The following STRAP variants were observed in gnomAD, a reference collection of about 807,000 sequenced individuals.
STRAP encodes serine-threonine kinase receptor-associated protein.
A neutral mutation model predicts 47.0 loss-of-function variants in STRAP; 16 were observed. The observed-to-expected ratio is 0.34, with a 90% confidence interval of 0.23 to 0.52. STRAP has a LOEUF of 0.52. Ranked by LOEUF, STRAP falls within the 20% of genes least tolerant of loss-of-function variation. The probability of loss-of-function intolerance (pLI) is 0.96; values close to 1 mark genes in which losing one functional copy is unlikely to be tolerated. For synonymous variants in STRAP, 130 were observed against 142.7 expected, an observed-to-expected ratio of 0.91 and a Z score of 0.63; for missense variants, 293 against 420.0, an observed-to-expected ratio of 0.70 and a Z score of 2.64.
Position 15,894,224 on chromosome 12 carries a change from C to A in STRAP, c.500+81C>A. The A allele has an allele frequency of 9.0e-7, 1 of 1,106,478 alleles. No homozygotes were observed. The highest frequency in any genetic ancestry group is 1.4e-6 in the Non-Finnish European group (1 of 738,742). 68.5% of individuals were successfully genotyped at this position (1,106,478 alleles called of 1,614,324 possible). A position where few individuals can be genotyped will look rare whatever the true frequency, so the allele number is the denominator to read the frequency against. Reference sequence around the variant, plus strand: ...CCTATAATCTCAGCACTTTGGGAGGCGAGCCGGGTGGATCATTAGAGGTCA... The same window carrying A: ...CCTATAATCTCAGCACTTTGGGAGGAGAGCCGGGTGGATCATTAGAGGTCA... On this transcript the variant is annotated intron_variant, in intron 5 of 9. Coordinates refer to ENST00000419869, the MANE Select transcript of STRAP (RefSeq NM_007178.4). The surrounding 1 kb of genome is among the most constrained non-coding windows in gnomAD (Gnocchi z 4.9).
Position 15,890,101 on chromosome 12 carries a change from G to A in STRAP, c.330+92G>A. ...ACTTGATTGGTGTGTATATTTGATT[G>A]ATATGTTTTGTGTGGAATATTTGTT... is the stretch of plus-strand genomic sequence containing the variant. On this transcript the variant is annotated intron_variant, in intron 3 of 9. Coordinates refer to ENST00000419869, the MANE Select transcript of STRAP (RefSeq NM_007178.4). The surrounding 1 kb of genome is among the most constrained non-coding windows in gnomAD (Gnocchi z 4.5). 2.7e-6 allele frequency: 3 copies of A among 1,101,336 alleles called. No homozygotes were observed. The highest frequency in any genetic ancestry group is 4.1e-6 in the Non-Finnish European group (3 of 729,984). 68.2% of individuals were successfully genotyped at this position (1,101,336 alleles called of 1,614,324 possible). A position where few individuals can be genotyped will look rare whatever the true frequency, so the allele number is the denominator to read the frequency against.
chr12:15,886,424 G>A (rs1384932704), intron 2 of STRAP, among the ~76,000 whole-genome samples: 2 of 152,124 alleles, frequency 1.3e-5, no homozygotes, highest in Non-Finnish European at 1.5e-5. Flanking sequence ...GGGCTCAAGC[G>A]ATCTGCCCAC....
chr12:15,900,827 TTATTA>T, intron 8 of STRAP, 115 bp from the exon 9 acceptor site: 4 of 661,976 alleles, frequency 6.0e-6, no homozygotes, highest in Non-Finnish European at 8.8e-6. Context: ...GGAGTTGTTT[TTATTA>T]TATTTTGTAG....
In STRAP at chr12:15,894,264, G is replaced by C. The variant is rs1948042023; in HGVS notation, c.500+121G>C. The C allele has an allele frequency of 2.9e-6, 2 of 689,356 alleles. No homozygotes were observed. 42.7% of individuals were successfully genotyped at this position (689,356 alleles called of 1,614,324 possible). A position where few individuals can be genotyped will look rare whatever the true frequency, so the allele number is the denominator to read the frequency against. On this transcript the variant is annotated intron_variant, in intron 5 of 9. Transcript: ENST00000419869. The surrounding 1 kb of genome is among the most constrained non-coding windows in gnomAD (Gnocchi z 4.9). ...ATTAGAGGTCAGGAGTACTAGACCAGCCTGGCCGACATGGCGAAATACTGT... is the reference window on the plus strand; with the variant it reads ...ATTAGAGGTCAGGAGTACTAGACCACCCTGGCCGACATGGCGAAATACTGT...
Position 15,897,988 on chromosome 12 carries a change from A to T in STRAP, c.745A>T (p.Lys249Ter). ...VAGGEDFKLY[K>*]YDYNSGEELE... is the part of the protein sequence containing the mutation. ...AGGCGGTGAAGATTTTAAACTTTATAAGTATGATTATAATAGTGGAGAAGA... is the reference window on the plus strand; with the variant it reads ...AGGCGGTGAAGATTTTAAACTTTATTAGTATGATTATAATAGTGGAGAAGA... Residue 249 changes from lysine (K) to a stop codon, truncating the protein, a stop_gained, in exon 7 of 10, where the codon AAG becomes TAG. Coordinates refer to ENST00000419869, the MANE Select transcript of STRAP (RefSeq NM_007178.4). LOFTEE classifies it high-confidence loss of function. The T allele has an allele frequency of 6.2e-7, 1 of 1,603,420 alleles. No homozygotes were observed. The highest frequency in any genetic ancestry group is 8.5e-7 in the Non-Finnish European group (1 of 1,176,088).
rs1591991426 is a variant in STRAP at position 15,903,104 on chromosome 12, A to C, written c.*126A>C. 1 of 1,070,328 alleles carries C rather than the reference A, an allele frequency of 9.3e-7. No individual in the cohort carries two copies. The highest frequency in any genetic ancestry group is 2.7e-5 in the East Asian group (1 of 37,690). 66.3% of individuals were successfully genotyped at this position (1,070,328 alleles called of 1,614,324 possible). ...CAGTAAATAATGAGGAAAATGAATT[A>C]GCTCCAGTGCTGGAACAACTAACTA... On this transcript the variant is annotated 3_prime_UTR_variant, in exon 10 of 10. Transcript: ENST00000419869.
At position 15,894,322 on chromosome 12, in the gene STRAP, G is replaced by A. The variant is rs371337177; in HGVS notation, c.500+179G>A. On this transcript the variant is annotated intron_variant, in intron 5 of 9. Coordinates refer to ENST00000419869, the MANE Select transcript of STRAP (RefSeq NM_007178.4). The surrounding 1 kb of genome is among the most constrained non-coding windows in gnomAD (Gnocchi z 4.9). ...AAAATTACAAAACTTAGCCAAGCGC[G>A]GTGGCACACACCTATAATCCCAGCT... is the stretch of plus-strand genomic sequence containing the variant. 4.6e-5 allele frequency among the ~76,000 whole-genome samples: 7 copies of A among 152,292 alleles called. No homozygotes were observed. The East Asian group carries it at 9.6e-4, about 21-fold the overall frequency.
At position 15,890,048 on chromosome 12, in the gene STRAP, C is replaced by G; in HGVS notation, c.330+39C>G. On this transcript the variant is annotated intron_variant, in intron 3 of 9. Transcript: ENST00000419869. The surrounding 1 kb of genome is among the most constrained non-coding windows in gnomAD (Gnocchi z 4.5). ...GAATTTATTTTAGCGAGTTAAGTTG[C>G]TGGTACATAGTGTGATAATGCTTTT... The G allele has an allele frequency of 3.2e-6, 5 of 1,556,856 alleles. No individual in the cohort carries two copies. Among genetic ancestry groups the G allele is most frequent in the Non-Finnish European group, 3.5e-6 (4 of 1,128,430 alleles).
Position 15,882,537 on chromosome 12 carries a change from C to T in STRAP, c.-171C>T. The T allele has an allele frequency of 1.6e-6, 1 of 612,902 alleles. No homozygotes were observed. Among genetic ancestry groups the T allele is most frequent in the Non-Finnish European group, 2.9e-6 (1 of 344,426 alleles). 38.0% of individuals were successfully genotyped at this position (612,902 alleles called of 1,614,324 possible). A position where few individuals can be genotyped will look rare whatever the true frequency, so the allele number is the denominator to read the frequency against. ...TGGTCGCAGACTCCCTGACCCCTCC[C>T]TCACCCCTCCCTAACCTCGGTGCCA... On this transcript the variant is annotated 5_prime_UTR_variant, in exon 1 of 10. Coordinates refer to ENST00000419869, the MANE Select transcript of STRAP (RefSeq NM_007178.4).
At chr12:15,885,272 T>A (rs1304536657) in intron 2 of STRAP, among the ~76,000 whole-genome samples, 1 of 136,392 alleles carries the variant, frequency 7.3e-6, no homozygotes, top group African/African-American at 2.7e-5. Context: ...CACTGCAACC[T>A]CCACCTCCCG....
intron 2 of STRAP, among the ~76,000 whole-genome samples, chr12:15,889,648 A>C (rs1422237774): frequency 6.6e-6 from 1 of 152,184 alleles, no homozygotes; most frequent in East Asian, 1.9e-4. Flanking sequence ...TTGGTTCATG[A>C]ATCTTACTTG....
At chr12:15,899,838 T>C in intron 7 of STRAP, 66 bp from the exon 8 acceptor site, 3 of 1,468,782 alleles carry the variant, frequency 2.0e-6, no homozygotes, top group Non-Finnish European at 2.8e-6. Flanking sequence ...ACAGTATTTT[T>C]TTTTTTTAGC....
chr12:15,900,150 A>G, intron 8 of STRAP, 97 bp downstream of exon 8: 1 of 1,261,202 alleles, frequency 7.9e-7, no homozygotes, highest in Non-Finnish European at 1.1e-6. Flanking sequence ...GTTTTCTATA[A>G]ATTTTAAATT....
chr12:15,882,634 G>A lies in STRAP; in HGVS notation c.-74G>A. ...GGGCGGGGGCCTGGAGCAGCCCGAG[G>A]CACTGCAGCAGAAGAGAGAAAAGAC... is the stretch of plus-strand genomic sequence containing the variant. On this transcript the variant is annotated 5_prime_UTR_variant, in exon 1 of 10. Transcript: ENST00000419869. 2 of 1,297,916 alleles carry A rather than the reference G, an allele frequency of 1.5e-6. No individual in the cohort carries two copies. The highest frequency in any genetic ancestry group is 1.5e-5 in the African/African-American group (1 of 68,708). 80.4% of individuals were successfully genotyped at this position (1,297,916 alleles called of 1,614,324 possible).
intron 2 of STRAP, among the ~76,000 whole-genome samples, chr12:15,884,816 C>G (rs1947955449): frequency 6.6e-6 from 1 of 152,042 alleles, no homozygotes. Flanking sequence ...AATTGCTGAC[C>G]TAAAGGACAC....
intron 2 of STRAP, 142 bp downstream of exon 2, chr12:15,883,818 C>T: frequency 3.9e-6 from 4 of 1,022,240 alleles, no homozygotes; most frequent in Non-Finnish European, 2.8e-6. Context: ...ACCAAAATTC[C>T]ATCGTGGTCC....
chr12:15,889,658 G>A (rs1318487690), intron 2 of STRAP, among the ~76,000 whole-genome samples: 4 of 152,064 alleles, frequency 2.6e-5, no homozygotes, highest in African/African-American at 9.7e-5. Context: ...AATCTTACTT[G>A]CTTAAATTGT....
chr12:15,882,874 C>T (rs1947934810), intron 1 of STRAP, 55 bp downstream of exon 1: 2 of 1,545,908 alleles, frequency 1.3e-6, no homozygotes, highest in Non-Finnish European at 1.8e-6. Context: ...TGAAAGGGAT[C>T]GGGACCCGCA....
At chr12:15,884,698 T>A (rs1428767651) in intron 2 of STRAP, among the ~76,000 whole-genome samples, 1 of 152,124 alleles carries the variant, frequency 6.6e-6, no homozygotes, top group Non-Finnish European at 1.5e-5. Flanking sequence ...CTGTGCCTGG[T>A]ACAGAAATTC....
Sources: allele counts gnomAD v4.1 joint callset (sites outside exome capture counted in the v4.1 genomes callset), GRCh38; gene constraint gnomAD v4.1.1; non-coding constraint Gnocchi (gnomAD v3.1); transcripts MANE v1.5; gene names NCBI Gene and HGNC (gene_info 2026-07-23, HGNC 2026-07-21).